Variants in RPRD1B observed in about 807,000 individuals in gnomAD.
RPRD1B encodes the protein regulation of nuclear pre-mRNA domain containing 1B.
RPRD1B carries 11 observed loss-of-function variants against 41.5 expected under a neutral mutation model. The observed-to-expected ratio is 0.27, with a 90% CI of 0.17 to 0.44. The LOEUF (loss-of-function observed/expected upper bound fraction) is 0.44, where lower values mean the gene tolerates loss of function less well. Among genes scored for constraint, RPRD1B ranks in the 20% least tolerant of loss-of-function variants. The pLI, the probability that RPRD1B is intolerant of heterozygous loss-of-function variation, is 1.00. For synonymous variants in RPRD1B, 158 were observed against 155.6 expected (o/e 1.02, Z -0.12); for missense variants, 248 against 389.9 (o/e 0.64, Z 3.06).
At chr20:38,067,635 A>G (rs949501514) in intron 6 of RPRD1B, among the ~76,000 whole-genome samples, 7 of 152,250 alleles carry the variant, frequency 4.6e-5, no homozygotes, top group Admixed American at 1.3e-4. Flanking sequence ...TGGTAGCAGG[A>G]ACTTCACATT....
At chr20:38,046,637 C>T (rs1244370604) in intron 2 of RPRD1B, among the ~76,000 whole-genome samples, 1 of 151,942 alleles carries the variant, frequency 6.6e-6, no homozygotes, top group African/African-American at 2.4e-5. Context: ...CTAAACATAC[C>T]CCTGAAGGAG....
At position 38,091,167 on chromosome 20, in the gene RPRD1B, T is replaced by C. The variant is rs934692995; in HGVS notation, c.*1292T>C. The C allele has an allele frequency of 3.8e-5, 37 of 985,700 alleles. No individual in the cohort carries two copies. The highest frequency in any genetic ancestry group is 4.2e-5 in the Non-Finnish European group (35 of 829,920). 61.1% of individuals were successfully genotyped at this position (985,700 alleles called of 1,614,324 possible). A position where few individuals can be genotyped will look rare whatever the true frequency, so the allele number is the denominator to read the frequency against. Reference sequence around the variant, plus strand: ...GACATTGGAAAGGGCAGAAAGCGATTTGCCCCAGTAGTGTAATAGGAGTTA... The same window carrying C: ...GACATTGGAAAGGGCAGAAAGCGATCTGCCCCAGTAGTGTAATAGGAGTTA... On this transcript the variant is annotated 3_prime_UTR_variant, in exon 7 of 7. Transcript: ENST00000373433.
intron 2 of RPRD1B, among the ~76,000 whole-genome samples, chr20:38,045,949 G>T (rs1048885219): frequency 2.0e-5 from 3 of 152,128 alleles, no homozygotes; most frequent in African/African-American, 7.2e-5. Flanking sequence ...TGGCATTCAG[G>T]GCTCGCTGTA....
chr20:38,089,181 G>A (rs2074590158), intron 6 of RPRD1B, among the ~76,000 whole-genome samples: 1 of 152,168 alleles, frequency 6.6e-6, no homozygotes, highest in Non-Finnish European at 1.5e-5. Context: ...CCTAACCAGG[G>A]ACTTACTGCA....
At chr20:38,046,363 T>TA (rs1187715451) in intron 2 of RPRD1B, among the ~76,000 whole-genome samples, 3 of 152,198 alleles carry the variant, frequency 2.0e-5, no homozygotes, top group African/African-American at 7.2e-5. Flanking sequence ...CTGTATTACT[T>TA]ACCGAAACCC....
At chr20:38,073,108 C>T (rs6068698) in intron 6 of RPRD1B, among the ~76,000 whole-genome samples, 23,819 of 152,164 alleles carry the variant, frequency 0.16, 1,890 homozygotes, top group South Asian at 0.28. Context: ...GATTCTGCAA[C>T]ATCAACAGCA....
chr20:38,089,647 G>T, intron 6 of RPRD1B, 79 bp from the exon 7 acceptor site: 1 of 1,190,678 alleles, frequency 8.4e-7, no homozygotes, highest in East Asian at 2.3e-5. Context: ...GAGGACGAGA[G>T]TAGCTGCCCG....
chr20:38,058,101 C>A (rs1203631253), intron 4 of RPRD1B, among the ~76,000 whole-genome samples: 1 of 151,972 alleles, frequency 6.6e-6, no homozygotes, highest in South Asian at 2.1e-4. Context: ...TAGTCTTTAC[C>A]CATGTGTTTG....
intron 3 of RPRD1B, among the ~76,000 whole-genome samples, chr20:38,049,057 C>T (rs879577193): frequency 2.0e-4 from 31 of 152,040 alleles, no homozygotes; most frequent in Non-Finnish European, 4.0e-4. Flanking sequence ...TCGAGCCATT[C>T]TCCTGCCCCA....
intron 5 of RPRD1B, among the ~76,000 whole-genome samples, chr20:38,061,003 T>A (rs945622880): frequency 1.3e-5 from 2 of 152,228 alleles, no homozygotes; most frequent in African/African-American, 4.8e-5. Context: ...AAAATCATAA[T>A]CTGCAAAAAT....
intron 3 of RPRD1B, chr20:38,049,947 T>C (rs1337172709): frequency 2.3e-6 from 1 of 425,760 alleles, no homozygotes; most frequent in African/African-American, 2.0e-5. Flanking sequence ...GGATGCTCTG[T>C]TGGCACTGCT....
At chr20:38,050,007 C>T (rs1878400964) in intron 3 of RPRD1B, among the ~76,000 whole-genome samples, 1 of 152,224 alleles carries the variant, frequency 6.6e-6, no homozygotes, top group African/African-American at 2.4e-5. Context: ...ACCGCTTTCA[C>T]TGTGTGATGA....
intron 1 of RPRD1B, among the ~76,000 whole-genome samples, chr20:38,038,554 T>C (rs1308989413): frequency 3.5e-5 from 5 of 143,182 alleles, no homozygotes; most frequent in Non-Finnish European, 6.0e-5. Flanking sequence ...TGGAGTGCAG[T>C]GGTGTGATCT....
At chr20:38,046,144 T>TA (rs1172572426) in intron 2 of RPRD1B, among the ~76,000 whole-genome samples, 4 of 152,092 alleles carry the variant, frequency 2.6e-5, no homozygotes, top group African/African-American at 9.7e-5. Flanking sequence ...AGCAAATACA[T>TA]ACGGGTGGGT....
At chr20:38,042,992 G>A (rs2074082609) in intron 2 of RPRD1B, among the ~76,000 whole-genome samples, 1 of 152,228 alleles carries the variant, frequency 6.6e-6, no homozygotes, top group African/African-American at 2.4e-5. Flanking sequence ...TCCCAGTGAG[G>A]AGACAGCTGT....
chr20:38,038,493 T>TGG (rs2074028185), intron 1 of RPRD1B, among the ~76,000 whole-genome samples: 1 of 123,308 alleles, frequency 8.1e-6, no homozygotes, highest in African/African-American at 3.3e-5. Flanking sequence ...TTGTTTTGTT[T>TGG]TTTTTTTTTT....
At chr20:38,084,841 T>C (rs1291144871) in intron 6 of RPRD1B, among the ~76,000 whole-genome samples, 3 of 152,236 alleles carry the variant, frequency 2.0e-5, no homozygotes, top group Non-Finnish European at 4.4e-5. Context: ...ACCCTCTACA[T>C]TGTAAACATT....
At chr20:38,069,490 G>A (rs914430105) in intron 6 of RPRD1B, among the ~76,000 whole-genome samples, 1 of 152,216 alleles carries the variant, frequency 6.6e-6, no homozygotes, top group Non-Finnish European at 1.5e-5. Context: ...AGTTAGACTG[G>A]ACCAGACAGG....
At chr20:38,035,374 G>A (rs1351792150) in intron 1 of RPRD1B, among the ~76,000 whole-genome samples, 1 of 152,212 alleles carries the variant, frequency 6.6e-6, no homozygotes, top group East Asian at 1.9e-4. Flanking sequence ...CTATCTGTGA[G>A]TTGGGGACAC....
Sources: gnomAD v4.1 joint callset for allele counts (sites outside exome capture counted in the v4.1 genomes callset) on GRCh38, gnomAD v4.1.1 for gene constraint, MANE v1.5 for transcripts, NCBI Gene and HGNC (gene_info 2026-07-23, HGNC 2026-07-21) for gene names.